CTBP1: variants seen among roughly 807,000 people sequenced by gnomAD.
CTBP1 encodes the protein C-terminal binding protein 1, also known as C-terminal-binding protein 1.
CTBP1 carries 11 observed loss-of-function variants against 42.1 expected under a neutral mutation model. The ratio of observed to expected loss-of-function variants is 0.26; its 90% confidence interval spans 0.16 to 0.43. CTBP1 has a LOEUF of 0.43. CTBP1 is among the 20% of genes least tolerant of loss of function. CTBP1 has a pLI of 1.00. For missense variants in CTBP1, 399 were observed against 624.3 expected (o/e 0.64, Z 3.85); for synonymous variants, 324 against 277.1 (o/e 1.17, Z -1.68).
intron 5 of CTBP1, among the ~76,000 whole-genome samples, chr4:1,224,995 C>T (rs1730172032): frequency 6.6e-6 from 1 of 151,834 alleles, no homozygotes; most frequent in Non-Finnish European, 1.5e-5. Flanking sequence ...ACTGTGACAT[C>T]CGTGTGTTAT....
At chr4:1,228,387 C>A in intron 3 of CTBP1, 44 bp from the exon 4 acceptor site, 2 of 1,594,486 alleles carry the variant, frequency 1.3e-6, no homozygotes, top group East Asian at 2.3e-5. Context: ...ACCTGAAGAC[C>A]CTCGGGCTTG....
At chr4:1,222,333 G>C (rs1729833629) in intron 5 of CTBP1, among the ~76,000 whole-genome samples, 1 of 151,392 alleles carries the variant, frequency 6.6e-6, no homozygotes, top group Non-Finnish European at 1.5e-5. Context: ...CCTAAGGACA[G>C]AACTGCTCTC....
intron 1 of CTBP1, 146 bp downstream of exon 1, chr4:1,248,770 C>G (rs1733042869): frequency 1.0e-6 from 1 of 971,292 alleles, no homozygotes; most frequent in African/African-American, 1.8e-5. Context: ...CGGCCACGCG[C>G]GGACGCCGGC....
intron 1 of CTBP1, among the ~76,000 whole-genome samples, chr4:1,245,876 C>T (rs1732669753): frequency 6.6e-6 from 1 of 152,176 alleles, no homozygotes; most frequent in Non-Finnish European, 1.5e-5. Flanking sequence ...AGCCCCAACG[C>T]CTCCCCAACC....
chr4:1,232,349 T>C (rs1328196973), intron 3 of CTBP1, among the ~76,000 whole-genome samples: 1 of 152,222 alleles, frequency 6.6e-6, no homozygotes, highest in Non-Finnish European at 1.5e-5. Flanking sequence ...TCTTGCTCTG[T>C]TGCCCAGGCT....
chr4:1,248,113 CG>C, intron 1 of CTBP1, among the ~76,000 whole-genome samples: 1 of 152,278 alleles, frequency 6.6e-6, no homozygotes, highest in South Asian at 2.1e-4. Context: ...CGGCCCAGGA[CG>C]CGGGCGCTGC....
At chr4:1,244,292 T>TG in intron 1 of CTBP1, 2 of 979,956 alleles carry the variant, frequency 2.0e-6, no homozygotes, top group Non-Finnish European at 2.4e-6. Context: ...CCCGGCACAC[T>TG]GGGGGTCACC....
rs779837947 is a variant in CTBP1, at chr4:1,238,136, C to T, written c.162+47G>A. The T allele has an allele frequency of 1.7e-5, 27 of 1,611,632 alleles. No individual in the cohort carries two copies. In the South Asian group the frequency reaches 2.7e-4, roughly 16 times the overall value. On this transcript the variant is annotated intron_variant, in intron 3 of 9. Coordinates refer to ENST00000382952, the MANE Select transcript of CTBP1 (RefSeq NM_001012614.2). The surrounding 1 kb of genome is among the most constrained non-coding windows in gnomAD (Gnocchi z 5.9). The stretch of plus-strand genomic sequence containing the variant: ...TGCCGTGCTCCCGTCCCTCCAACTC[C>T]CCCCAACGTGCGGTTCTGCCAGCCC...
intron 5 of CTBP1, among the ~76,000 whole-genome samples, chr4:1,224,361 CTG>C (rs2108745563): frequency 6.6e-6 from 1 of 151,528 alleles, no homozygotes; most frequent in Non-Finnish European, 1.5e-5. Flanking sequence ...CACGTGTGTG[CTG>C]TGATGTCCGT....
At chr4:1,243,085 T>C in intron 1 of CTBP1, 2 of 985,406 alleles carry the variant, frequency 2.0e-6, no homozygotes, top group Non-Finnish European at 2.4e-6. Flanking sequence ...TCAATACTCA[T>C]CAATGCTACC....
intron 3 of CTBP1, among the ~76,000 whole-genome samples, chr4:1,234,353 G>A (rs911857310): frequency 2.0e-5 from 3 of 152,204 alleles, no homozygotes; most frequent in Non-Finnish European, 2.9e-5. Flanking sequence ...CGCCGGCTCT[G>A]CTTCTGGTTA....
Position 1,235,675 on chromosome 4 carries a change from G to C in CTBP1, c.162+2508C>G, listed in dbSNP as rs901354996. 1 of 152,024 alleles carries C rather than the reference G, an allele frequency of 6.6e-6. No homozygotes were observed. Among genetic ancestry groups the C allele is most frequent in the Non-Finnish European group, 1.5e-5 (1 of 67,992 alleles). 9.4% of individuals were successfully genotyped at this position (152,024 alleles called of 1,614,324 possible). On this transcript the variant is annotated intron_variant, in intron 3 of 9. Transcript: ENST00000382952. This position sits in a 1 kb window ranked among gnomAD's most constrained non-coding sequence, Gnocchi z 4.2. The stretch of plus-strand genomic sequence containing the variant: ...GGCCCAGCCTCCTGGGGGCTGGGCT[G>C]GGGTGATCGGCTCGTGGGCAGCACG...
At chr4:1,214,774 CCT>C (rs1473924372) in intron 6 of CTBP1, among the ~76,000 whole-genome samples, 9 of 152,222 alleles carry the variant, frequency 5.9e-5, no homozygotes, top group Admixed American at 5.9e-4. Context: ...GCTTGGTCCC[CCT>C]GTGGTACCCC....
intron 5 of CTBP1, among the ~76,000 whole-genome samples, chr4:1,222,100 T>C (rs557758206): frequency 2.0e-5 from 3 of 152,140 alleles, no homozygotes; most frequent in East Asian, 3.9e-4. Flanking sequence ...GATGGGGACA[T>C]GCACACCCTG....
chr4:1,218,545 G>C (rs1279790368), intron 5 of CTBP1: 9 of 152,184 alleles, frequency 5.9e-5, no homozygotes, highest in Admixed American at 5.9e-4. Flanking sequence ...CGTAAACAAG[G>C]CAGAAAGGGT....
chr4:1,248,046 G>C (rs1011849111), intron 1 of CTBP1, among the ~76,000 whole-genome samples: 1 of 152,232 alleles, frequency 6.6e-6, no homozygotes, highest in Non-Finnish European at 1.5e-5. Context: ...CAGGCGCACG[G>C]ACTCTGCCTT....
chr4:1,248,987 A>C lies in CTBP1; in HGVS notation c.-260T>G. ...GCGCGAGCGGCCGCGGGCCCCGACC[A>C]CTCCGGCGCGCTGCGCCGCCGCGAG... On this transcript the variant is annotated 5_prime_UTR_variant, in exon 1 of 10. Transcript: ENST00000382952. 1.0e-6 allele frequency: 1 copy of C among 967,100 alleles called. No individual in the cohort carries two copies. The highest frequency in any genetic ancestry group is 1.2e-6 in the Non-Finnish European group (1 of 818,872). 59.9% of individuals were successfully genotyped at this position (967,100 alleles called of 1,614,324 possible).
Position 1,216,221 on chromosome 4 carries a change from C to CA in CTBP1, c.515-17dup, listed in dbSNP as rs201816175. The CA allele has an allele frequency of 2.0e-3, 3,140 of 1,605,610 alleles. 49 individuals carry two copies. The highest frequency in any genetic ancestry group is 0.017 in the South Asian group (1,549 of 90,560). On this transcript the variant is annotated splice_polypyrimidine_tract_variant and intron_variant, in intron 5 of 9. Transcript: ENST00000382952. Reference sequence around the variant, plus strand: ...CCCACGCGACCTGGTGGCGTCAAGACACAGTGTGAGACCCTTGCTCACCCG... The same window carrying CA: ...CCCACGCGACCTGGTGGCGTCAAGACAACAGTGTGAGACCCTTGCTCACCCG...
intron 4 of CTBP1, among the ~76,000 whole-genome samples, chr4:1,226,230 C>T (rs1343836545): frequency 6.6e-6 from 1 of 152,184 alleles, no homozygotes; most frequent in Non-Finnish European, 1.5e-5. Context: ...GTGCCCCTCC[C>T]TGAGCCTATT....
Sources: gnomAD v4.1 joint callset for allele counts (sites outside exome capture counted in the v4.1 genomes callset) on GRCh38, gnomAD v4.1.1 for gene constraint, Gnocchi (gnomAD v3.1) non-coding constraint, MANE v1.5 for transcripts, NCBI Gene and HGNC (gene_info 2026-07-23, HGNC 2026-07-21) for gene names.